Variants in SS18L1 observed in about 807,000 individuals in gnomAD.
SS18L1 encodes the protein calcium-responsive transactivator.
Under a neutral mutation model 70.3 loss-of-function variants are expected in SS18L1, and 32 were observed. The observed-to-expected ratio is 0.46, with a 90% confidence interval of 0.34 to 0.61. The LOEUF is 0.61. SS18L1 is among the 20% of genes least tolerant of loss of function. The pLI, the probability that SS18L1 is intolerant of heterozygous loss-of-function variation, is 0.01. For synonymous variants in SS18L1, 237 were observed against 229.7 expected (o/e 1.03, Z -0.29); for missense variants, 430 against 542.1 (o/e 0.79, Z 2.05).
chr20:62,160,007 C>T (rs766078887), intron 3 of SS18L1, 46 bp downstream of exon 3: 36 of 1,554,350 alleles, frequency 2.3e-5, no homozygotes, highest in Admixed American at 7.2e-5. Context: ...GCAAGGACTC[C>T]GACACTGCCT....
At chr20:62,172,101 T>C (rs2057542325) in intron 8 of SS18L1, among the ~76,000 whole-genome samples, 1 of 150,978 alleles carries the variant, frequency 6.6e-6, no homozygotes, top group South Asian at 2.1e-4. Flanking sequence ...GGGGCGGAGC[T>C]TGCACTGAGC....
intron 1 of SS18L1, chr20:62,154,586 C>T (rs1036634251): frequency 3.0e-6 from 3 of 985,106 alleles, no homozygotes; most frequent in African/African-American, 1.7e-5. Flanking sequence ...ACAGCTCCTC[C>T]GGAAGTCTCC....
At chr20:62,166,264 G>A (rs1335877154) in intron 8 of SS18L1, among the ~76,000 whole-genome samples, 1 of 152,254 alleles carries the variant, frequency 6.6e-6, no homozygotes, top group African/African-American at 2.4e-5. Flanking sequence ...CAGTCCCTGG[G>A]GAGAGGGGCC....
intron 1 of SS18L1, among the ~76,000 whole-genome samples, chr20:62,150,466 A>G (rs1193895207): frequency 2.0e-5 from 3 of 152,138 alleles, no homozygotes; most frequent in Non-Finnish European, 4.4e-5. Flanking sequence ...GATGACTCCT[A>G]GGAATTGATT....
chr20:62,173,044 G>T (rs1163922328), intron 9 of SS18L1, among the ~76,000 whole-genome samples: 1 of 152,228 alleles, frequency 6.6e-6, no homozygotes. Flanking sequence ...AATACCTTTA[G>T]GTTTCCAGAA....
intron 8 of SS18L1, among the ~76,000 whole-genome samples, chr20:62,169,703 C>T (rs886813263): frequency 6.6e-6 from 1 of 151,980 alleles, no homozygotes; most frequent in Non-Finnish European, 1.5e-5. Flanking sequence ...CACTTGAACC[C>T]AGGAGGCAGA....
intron 1 of SS18L1, among the ~76,000 whole-genome samples, chr20:62,152,207 C>G (rs1393682748): frequency 6.6e-6 from 1 of 152,174 alleles, no homozygotes; most frequent in South Asian, 2.1e-4. Context: ...ATGCCCACGT[C>G]GGTCTTCACC....
chr20:62,161,442 A>G lies in SS18L1; in HGVS notation c.238A>G (p.Thr80Ala). The change falls in exon 4 of 11, where the codon ACG (threonine) becomes GCG (alanine). Residue 80 changes from threonine to alanine, a missense_variant. Physicochemically the swap from Thr to Ala is moderately conservative, Grantham distance 58. Transcript: ENST00000331758. This position sits in a 1 kb window ranked among gnomAD's most constrained non-coding sequence, Gnocchi z 4.4. ...NMQSLLPAPPTQNMNLGPGAL... is the reference protein window; with the variant it reads ...NMQSLLPAPPAQNMNLGPGAL... Reference sequence around the variant, plus strand: ...AACTTCCTGTTGCCTGCAGCCGCCCACGCAGAACATGAACCTGGGCCCTGG... The same window carrying G: ...AACTTCCTGTTGCCTGCAGCCGCCCGCGCAGAACATGAACCTGGGCCCTGG... 6.2e-7 allele frequency: 1 copy of G among 1,612,758 alleles called. No individual in the cohort carries two copies. The highest frequency in any genetic ancestry group is 8.5e-7 in the Non-Finnish European group (1 of 1,179,994).
At chr20:62,145,032 G>A (rs1177638498) in intron 1 of SS18L1, among the ~76,000 whole-genome samples, 1 of 152,242 alleles carries the variant, frequency 6.6e-6, no homozygotes, top group Non-Finnish European at 1.5e-5. Context: ...GACTACCTTT[G>A]CTGTTGCTAG....
intron 1 of SS18L1, among the ~76,000 whole-genome samples, chr20:62,155,802 A>C (rs1031469865): frequency 6.6e-6 from 1 of 152,106 alleles, no homozygotes; most frequent in Admixed American, 6.5e-5. Flanking sequence ...GCACTGATTC[A>C]GTTGTTACTC....
At chr20:62,151,212 C>T (rs1482372307) in intron 1 of SS18L1, among the ~76,000 whole-genome samples, 3 of 152,168 alleles carry the variant, frequency 2.0e-5, no homozygotes, top group African/African-American at 4.8e-5. Context: ...CCCAGTTCTC[C>T]GTCCCTGGTT....
intron 1 of SS18L1, among the ~76,000 whole-genome samples, chr20:62,151,942 C>A (rs2057139769): frequency 6.7e-6 from 1 of 148,916 alleles, no homozygotes; most frequent in African/African-American, 2.5e-5. Context: ...TTTCCCTCTC[C>A]CCAGAGCTGG....
At chr20:62,177,457 G>T (rs2057639709) in intron 10 of SS18L1, among the ~76,000 whole-genome samples, 1 of 152,180 alleles carries the variant, frequency 6.6e-6, no homozygotes, top group African/African-American at 2.4e-5. Context: ...AGGCAGCTCT[G>T]GGAATGAGAA....
chr20:62,147,988 G>A (rs1217245301), intron 1 of SS18L1, among the ~76,000 whole-genome samples: 1 of 152,198 alleles, frequency 6.6e-6, no homozygotes, highest in Admixed American at 6.5e-5. Context: ...AAGCTAATTT[G>A]GCTAGGAGTG....
intron 1 of SS18L1, chr20:62,154,312 C>T: frequency 9.6e-7 from 1 of 1,043,034 alleles, no homozygotes; most frequent in Non-Finnish European, 1.2e-6. Context: ...TCATCGAGTG[C>T]CCTTGGTTTG....
At chr20:62,170,829 A>G (rs1302338392) in intron 8 of SS18L1, among the ~76,000 whole-genome samples, 6 of 151,256 alleles carry the variant, frequency 4.0e-5, no homozygotes, top group Non-Finnish European at 7.4e-5. Flanking sequence ...GCACTCTCAC[A>G]GTTGTTGCAT....
rs1006693548 is a variant in SS18L1, at chr20:62,143,904, A to AGCGGCGGCGCTGG, written c.69+23_69+35dup. 9.1e-7 allele frequency: 1 copy of AGCGGCGGCGCTGG among 1,102,770 alleles called. No homozygotes were observed. Among genetic ancestry groups the AGCGGCGGCGCTGG allele is most frequent in the Non-Finnish European group, 1.1e-6 (1 of 888,114 alleles). 68.3% of individuals were successfully genotyped at this position (1,102,770 alleles called of 1,614,324 possible). ...CCATCCAGAAGGTGGGCCGGGCCGG[A>AGCGGCGGCGCTGG]GCGGCGGCGCTGGGCGGCGGGTCTG... On this transcript the variant is annotated intron_variant, in intron 1 of 10. Transcript: ENST00000331758.
At chr20:62,177,344 A>G (rs1171117661) in intron 10 of SS18L1, among the ~76,000 whole-genome samples, 2 of 151,878 alleles carry the variant, frequency 1.3e-5, no homozygotes, top group Non-Finnish European at 2.9e-5. Flanking sequence ...CAGGGCTGCC[A>G]TGCCTTCAGC....
intron 1 of SS18L1, among the ~76,000 whole-genome samples, chr20:62,152,424 C>T (rs6062087): frequency 0.055 from 8,413 of 152,320 alleles, 736 homozygotes; most frequent in African/African-American, 0.18. Flanking sequence ...CCAGCGCCCT[C>T]ACCTCGGGAG....
Sources: allele counts gnomAD v4.1 joint callset (sites outside exome capture counted in the v4.1 genomes callset), GRCh38; gene constraint gnomAD v4.1.1; non-coding constraint Gnocchi (gnomAD v3.1); transcripts MANE v1.5; gene names NCBI Gene and HGNC (gene_info 2026-07-23, HGNC 2026-07-21).